Variants in PDE1C observed in about 807,000 individuals in gnomAD.
The protein encoded by PDE1C is phosphodiesterase 1C.
A neutral mutation model predicts 93.1 loss-of-function variants in PDE1C; 62 were observed. That is an observed-to-expected ratio of 0.67 (90% CI 0.54 to 0.82). The LOEUF is 0.82. Among genes scored for constraint, PDE1C ranks in the 40% least tolerant of loss-of-function variants. The probability of loss-of-function intolerance (pLI) is 0.00; values close to 1 mark genes in which losing one functional copy is unlikely to be tolerated. For missense variants in PDE1C, 742 were observed against 884.6 expected (o/e 0.84, Z 2.04); for synonymous variants, 325 against 310.1 (o/e 1.05, Z -0.50).
chr7:31,936,043 G>A (rs1388235442), intron 2 of PDE1C, among the ~76,000 whole-genome samples: 2 of 152,176 alleles, frequency 1.3e-5, no homozygotes, highest in African/African-American at 4.8e-5. Flanking sequence ...CTCTATCAAA[G>A]TTTCAGCCAT....
At chr7:32,102,201 C>T (rs145076118) in intron 3 of PDE1C, among the ~76,000 whole-genome samples, 2 of 152,242 alleles carry the variant, frequency 1.3e-5, no homozygotes, top group East Asian at 3.9e-4. Context: ...GTTAGAAAGG[C>T]AGAATCCTTC....
At chr7:32,287,414 C>A (rs548041151) in intron 1 of PDE1C, among the ~76,000 whole-genome samples, 1 of 152,310 alleles carries the variant, frequency 6.6e-6, no homozygotes, top group Admixed American at 6.5e-5. Flanking sequence ...GGAAGCCCAT[C>A]CCAATCCCCA....
chr7:31,937,408 T>G (rs1805244529), intron 2 of PDE1C, among the ~76,000 whole-genome samples: 1 of 152,202 alleles, frequency 6.6e-6, no homozygotes, highest in Non-Finnish European at 1.5e-5. Context: ...AAAAAGTCTG[T>G]TTTGTCAGTC....
intron 1 of PDE1C, among the ~76,000 whole-genome samples, chr7:32,282,223 T>C (rs1302417600): frequency 6.6e-6 from 1 of 150,888 alleles, no homozygotes; most frequent in Non-Finnish European, 1.5e-5. Flanking sequence ...ACACCTGTAA[T>C]CCCAGCACTT....
At chr7:32,334,415 C>T (rs1783573076) in intron 1 of PDE1C, among the ~76,000 whole-genome samples, 1 of 152,012 alleles carries the variant, frequency 6.6e-6, no homozygotes, top group African/African-American at 2.4e-5. Flanking sequence ...AAGTATGGCA[C>T]ATTCGTATAA....
chr7:32,303,460 G>A (rs1812924116), upstream of PDE1C, among the ~76,000 whole-genome samples: 3 of 152,328 alleles, frequency 2.0e-5, no homozygotes, highest in South Asian at 6.2e-4. Flanking sequence ...GGAACTGGGT[G>A]TCAGAATGAG....
chr7:31,755,414 G>A (rs1418535368), intron 17 of PDE1C, among the ~76,000 whole-genome samples: 1 of 152,152 alleles, frequency 6.6e-6, no homozygotes, highest in Non-Finnish European at 1.5e-5. Context: ...AGTCTCAGCA[G>A]CAATAAGCAC....
intron 17 of PDE1C, among the ~76,000 whole-genome samples, chr7:31,757,109 A>G (rs1168263509): frequency 2.0e-5 from 3 of 152,254 alleles, no homozygotes; most frequent in Admixed American, 2.0e-4. Context: ...CATTCTTAGA[A>G]TATGCTACTG....
intron 3 of PDE1C, among the ~76,000 whole-genome samples, chr7:32,088,708 C>T (rs1177633117): frequency 6.6e-6 from 1 of 151,330 alleles, no homozygotes. Flanking sequence ...CTCCAGTGAG[C>T]CACTCGCCTG....
chr7:31,737,372 A>G, the PDE1C span, among the ~76,000 whole-genome samples: 1 of 152,212 alleles, frequency 6.6e-6, no homozygotes, highest in Non-Finnish European at 1.5e-5. Flanking sequence ...TGCTTCATAT[A>G]CAATAAAACT....
At chr7:32,347,736 A>C (rs1783882564) in intron 1 of PDE1C, among the ~76,000 whole-genome samples, 1 of 152,196 alleles carries the variant, frequency 6.6e-6, no homozygotes. Flanking sequence ...GCCAGCAAAC[A>C]TCTGGAGTCT....
intron 1 of PDE1C, among the ~76,000 whole-genome samples, chr7:32,237,244 G>T (rs184781929): frequency 4.6e-5 from 7 of 151,406 alleles, no homozygotes; most frequent in African/African-American, 1.5e-4. Context: ...CTACCACCAC[G>T]CCCGGCTAAT....
At chr7:32,012,941 T>C (rs981050950) in intron 2 of PDE1C, among the ~76,000 whole-genome samples, 8 of 152,210 alleles carry the variant, frequency 5.3e-5, no homozygotes, top group Non-Finnish European at 4.4e-5. Context: ...TATCAACTGA[T>C]AACTAATTCA....
At chr7:31,762,897 A>G (rs796241286) in intron 17 of PDE1C, among the ~76,000 whole-genome samples, 7 of 152,304 alleles carry the variant, frequency 4.6e-5, no homozygotes, top group African/African-American at 1.7e-4. Flanking sequence ...CATAGAAAAC[A>G]GATAAACCAT....
At chr7:32,262,692 T>C (rs80141109) in intron 1 of PDE1C, among the ~76,000 whole-genome samples, 2,664 of 152,314 alleles carry the variant, frequency 0.017, 89 homozygotes, top group African/African-American at 0.061. Context: ...TCCCACTCTG[T>C]GTTGCTCTGA....
At chr7:32,083,100 T>C (rs1584726265) in intron 3 of PDE1C, among the ~76,000 whole-genome samples, 1 of 151,762 alleles carries the variant, frequency 6.6e-6, no homozygotes. Context: ...AGTTAAAAAC[T>C]TTGAAAAAAA....
chr7:32,347,495 T>G (rs1471684333), intron 1 of PDE1C, among the ~76,000 whole-genome samples: 1 of 152,124 alleles, frequency 6.6e-6, no homozygotes, highest in Non-Finnish European at 1.5e-5. Context: ...GAGTAGAATA[T>G]AGCAAAGGTA....
At chr7:31,910,451 C>A (rs1467499879) in intron 2 of PDE1C, among the ~76,000 whole-genome samples, 1 of 152,168 alleles carries the variant, frequency 6.6e-6, no homozygotes, top group Non-Finnish European at 1.5e-5. Context: ...ACCAGCTCCA[C>A]CCCATACTCC....
chr7:32,006,181 G>A (rs147261443), intron 2 of PDE1C, among the ~76,000 whole-genome samples: 280 of 152,102 alleles, frequency 1.8e-3, no homozygotes, highest in African/African-American at 5.7e-3. Context: ...AATAAATACC[G>A]TTGAAATTTT....
Sources: gnomAD v4.1 joint callset for allele counts (sites outside exome capture counted in the v4.1 genomes callset) on GRCh38, gnomAD v4.1.1 for gene constraint, MANE v1.5 for transcripts, NCBI Gene and HGNC (gene_info 2026-07-23, HGNC 2026-07-21) for gene names.